The following CRACR2A variants were observed in gnomAD, a reference collection of about 807,000 sequenced individuals.
CRACR2A encodes EF-hand calcium-binding domain-containing protein 4B.
In CRACR2A, 79 loss-of-function variants were observed where a neutral mutation model predicts 90.5. That is an observed-to-expected ratio of 0.87 (90% CI 0.73 to 1.05). CRACR2A has a LOEUF of 1.05. CRACR2A is among the 50% of genes least tolerant of loss of function. The probability of loss-of-function intolerance (pLI) is 0.00; values close to 1 mark genes in which losing one functional copy is unlikely to be tolerated. For missense variants in CRACR2A, 823 were observed against 897.2 expected (o/e 0.92, Z 1.06); for synonymous variants, 338 against 356.7 (o/e 0.95, Z 0.59).
chr12:3,648,412 G>C lies in CRACR2A; in HGVS notation c.1118+130C>G, dbSNP rs1944730321. On this transcript the variant is annotated intron_variant, in intron 11 of 19. Coordinates refer to ENST00000440314, the MANE Select transcript of CRACR2A (RefSeq NM_001144958.2). ...GTCCAAACACTGCACTGGGGACCAA[G>C]GGAATTGAGGGCACTCTCTCAGCAG... 3 of 1,577,402 alleles carry C rather than the reference G, an allele frequency of 1.9e-6. 1 individual carries two copies. The East Asian group carries it at 6.8e-5, about 36-fold the overall frequency.
intron 14 of CRACR2A, among the ~76,000 whole-genome samples, chr12:3,637,193 A>G (rs1045886377): frequency 6.6e-6 from 1 of 152,222 alleles, no homozygotes; most frequent in Non-Finnish European, 1.5e-5. Flanking sequence ...GTCGGGATGA[A>G]AGTGTGATTC....
chr12:3,691,561 GCCT>G (rs1239972188), intron 4 of CRACR2A, among the ~76,000 whole-genome samples: 1 of 152,116 alleles, frequency 6.6e-6, no homozygotes, highest in East Asian at 1.9e-4. Flanking sequence ...CTTTATAGCT[GCCT>G]TTAACATTTT....
intron 2 of CRACR2A, among the ~76,000 whole-genome samples, chr12:3,722,972 T>C (rs1259444421): frequency 1.3e-5 from 2 of 152,234 alleles, no homozygotes; most frequent in African/African-American, 4.8e-5. Flanking sequence ...TGTGGATTGA[T>C]TGGGCTGGAC....
rs1946630798 is a variant in CRACR2A at position 3,746,609 on chromosome 12, A to G, written c.-387+6406T>C. 6.6e-6 allele frequency among the ~76,000 whole-genome samples: 1 copy of G among 152,262 alleles called. No individual in the cohort carries two copies. Among genetic ancestry groups the G allele is most frequent in the African/African-American group, 2.4e-5 (1 of 41,474 alleles). Reference sequence around the variant, plus strand: ...GTGATATTTTGTTCTGTCTGCCAGAACAAAGACATCCCCTCAAAGGGAGTA... The same window carrying G: ...GTGATATTTTGTTCTGTCTGCCAGAGCAAAGACATCCCCTCAAAGGGAGTA... On this transcript the variant is annotated intron_variant, in intron 1 of 19. Transcript: ENST00000440314. The surrounding 1 kb of genome is among the most constrained non-coding windows in gnomAD (Gnocchi z 4.4).
chr12:3,639,457 A>AACACACACACACACACACACACATACAC (rs9300301), intron 13 of CRACR2A, among the ~76,000 whole-genome samples: 2 of 139,558 alleles, frequency 1.4e-5, no homozygotes, highest in South Asian at 5.0e-4. Flanking sequence ...CCAGAATTGA[A>AACACACACACACACACACACACATACAC]ACACACACAC....
At chr12:3,641,632 C>T (rs773595788) in intron 13 of CRACR2A, 100 bp downstream of exon 13, 46 of 1,014,488 alleles carry the variant, frequency 4.5e-5, no homozygotes, top group South Asian at 3.6e-4. Flanking sequence ...CCTCAGTTTC[C>T]GCACCTCTCA....
intron 3 of CRACR2A, among the ~76,000 whole-genome samples, chr12:3,706,873 G>A (rs1205871007): frequency 6.6e-6 from 1 of 151,952 alleles, no homozygotes; most frequent in East Asian, 1.9e-4. Flanking sequence ...CAAAGTGCTG[G>A]GATTACAGGC....
At chr12:3,735,471 A>C (rs191388660) in intron 1 of CRACR2A, among the ~76,000 whole-genome samples, 1 of 152,342 alleles carries the variant, frequency 6.6e-6, no homozygotes, top group African/African-American at 2.4e-5. Flanking sequence ...GTAAATAGTA[A>C]TAAAATAACA....
chr12:3,671,716 C>T (rs1203582196), intron 7 of CRACR2A, among the ~76,000 whole-genome samples: 1 of 152,236 alleles, frequency 6.6e-6, no homozygotes, highest in East Asian at 1.9e-4. Context: ...CTCTCCACTT[C>T]AGCCAGACAA....
At chr12:3,661,667 A>T (rs1010582182) in intron 7 of CRACR2A, among the ~76,000 whole-genome samples, 1 of 152,244 alleles carries the variant, frequency 6.6e-6, no homozygotes, top group African/African-American at 2.4e-5. Context: ...AGTTTGAAGG[A>T]ACTTTCAGAA....
chr12:3,672,805 T>C, intron 7 of CRACR2A: 1 of 985,422 alleles, frequency 1.0e-6, no homozygotes, highest in Non-Finnish European at 1.2e-6. Context: ...GGGTTGTTTC[T>C]AACAATGCTT....
intron 4 of CRACR2A, among the ~76,000 whole-genome samples, chr12:3,689,592 G>A (rs1412431962): frequency 6.6e-6 from 1 of 152,114 alleles, no homozygotes; most frequent in Non-Finnish European, 1.5e-5. Flanking sequence ...GATTTGGTTT[G>A]CCAGTATTTT....
chr12:3,621,426 G>A (rs910735842), intron 17 of CRACR2A, among the ~76,000 whole-genome samples: 11 of 149,064 alleles, frequency 7.4e-5, no homozygotes, highest in African/African-American at 2.5e-4. Context: ...GGCCGAGGTG[G>A]GTGGATCATG....
chr12:3,741,194 T>G (rs1331876214), intron 1 of CRACR2A, among the ~76,000 whole-genome samples: 2 of 152,172 alleles, frequency 1.3e-5, no homozygotes, highest in African/African-American at 4.8e-5. Context: ...CCATGCTATT[T>G]TGGTTGGAAA....
At chr12:3,717,190 C>T (rs895200628) in intron 2 of CRACR2A, among the ~76,000 whole-genome samples, 9 of 152,156 alleles carry the variant, frequency 5.9e-5, no homozygotes, top group South Asian at 2.1e-4. Flanking sequence ...CCGCAGCAGT[C>T]GATGGGCCTT....
Position 3,643,817 on chromosome 12 carries a change from T to TTATATTATATATAAATATATATAATA in CRACR2A, c.1164+752_1164+777dup, listed in dbSNP as rs1565470855. Among the ~76,000 whole-genome samples, 642 of 85,702 alleles carry TTATATTATATATAAATATATATAATA rather than the reference T, an allele frequency of 7.5e-3. 13 individuals carry two copies. Among genetic ancestry groups the TTATATTATATATAAATATATATAATA allele is most frequent in the African/African-American group, 0.024 (606 of 25,480 alleles). The allele number at this position is 85,702 out of a possible 152,430, so 56.2% of individuals were successfully genotyped here. A position where few individuals can be genotyped will look rare whatever the true frequency, so the allele number is the denominator to read the frequency against. On this transcript the variant is annotated intron_variant, in intron 12 of 19. Transcript: ENST00000440314. ...TATATAATATATATTATATATATAT[T>TTATATTATATATAAATATATATAATA]TATATTATATATAAATATATATAAT...
intron 14 of CRACR2A, among the ~76,000 whole-genome samples, chr12:3,634,769 A>C (rs182594339): frequency 6.6e-6 from 1 of 152,312 alleles, no homozygotes; most frequent in East Asian, 1.9e-4. Flanking sequence ...TTCAGATAAA[A>C]AGCCATTAAC....
intron 4 of CRACR2A, among the ~76,000 whole-genome samples, chr12:3,689,532 G>A (rs1174692179): frequency 2.0e-5 from 3 of 152,176 alleles, no homozygotes; most frequent in African/African-American, 7.2e-5. Flanking sequence ...TTGCATCCCA[G>A]GGATAAAGCT....
intron 1 of CRACR2A, among the ~76,000 whole-genome samples, chr12:3,736,699 A>T (rs780258585): frequency 3.9e-5 from 6 of 152,222 alleles, no homozygotes; most frequent in Non-Finnish European, 7.3e-5. Context: ...AAGGAGGCTC[A>T]GAAGCAGTGC....
Sources: gnomAD v4.1 joint callset for allele counts (sites outside exome capture counted in the v4.1 genomes callset) on GRCh38, gnomAD v4.1.1 for gene constraint, Gnocchi (gnomAD v3.1) non-coding constraint, MANE v1.5 for transcripts, NCBI Gene and HGNC (gene_info 2026-07-23, HGNC 2026-07-21) for gene names.